Variants in RAPGEF2 observed in about 807,000 individuals in gnomAD.
The protein encoded by RAPGEF2 is Rap guanine nucleotide exchange factor 2, also known as PDZ domain containing guanine nucleotide exchange factor (GEF) 1.
In RAPGEF2, 54 loss-of-function variants were observed where a neutral mutation model predicts 186.7. The observed-to-expected ratio is 0.29, with a 90% CI of 0.23 to 0.36. The LOEUF (loss-of-function observed/expected upper bound fraction) is 0.36, where lower values mean the gene tolerates loss of function less well. Among genes scored for constraint, RAPGEF2 ranks in the 10% least tolerant of loss-of-function variants. The pLI, the probability that RAPGEF2 is intolerant of heterozygous loss-of-function variation, is 1.00. For synonymous variants in RAPGEF2, 712 were observed against 705.9 expected (o/e 1.01, Z -0.14); for missense variants, 1,532 against 2,045.0 (o/e 0.75, Z 4.84).
chr4:159,257,338 G>A (rs1338580017), intron 7 of RAPGEF2, among the ~76,000 whole-genome samples: 8 of 152,188 alleles, frequency 5.3e-5, no homozygotes, highest in Admixed American at 5.2e-4. Context: ...GCAGGGAGGA[G>A]CAAGTCACAT....
chr4:159,112,170 G>A (rs1396610398), intron 1 of RAPGEF2, among the ~76,000 whole-genome samples: 2 of 152,176 alleles, frequency 1.3e-5, no homozygotes, highest in African/African-American at 4.8e-5. Flanking sequence ...TTAGTGAATA[G>A]TTTGGCCTTG....
rs977161956 is a variant in RAPGEF2, at chr4:159,137,306, A to C, written c.69+33075A>C. Among the ~76,000 whole-genome samples, 5 of 152,166 alleles carry C rather than the reference A, an allele frequency of 3.3e-5. No homozygotes were observed. The East Asian group carries it at 9.6e-4, about 29-fold the overall frequency. ...GTGAAGGCCTACTCCTGGCCTGCAGACTGCTTTCCTGCTGTGTCCTCACAC... is the reference window on the plus strand; with the variant it reads ...GTGAAGGCCTACTCCTGGCCTGCAGCCTGCTTTCCTGCTGTGTCCTCACAC... On this transcript the variant is annotated intron_variant, in intron 1 of 29. Coordinates refer to ENST00000691494, the MANE Select transcript of RAPGEF2 (RefSeq NM_001394067.2).
At chr4:159,306,340 T>G (rs1763299139) in intron 8 of RAPGEF2, among the ~76,000 whole-genome samples, 1 of 152,166 alleles carries the variant, frequency 6.6e-6, no homozygotes, top group South Asian at 2.1e-4. Context: ...TGTAAAGCTC[T>G]TTCACCTCCT....
intron 3 of RAPGEF2, among the ~76,000 whole-genome samples, chr4:159,198,238 T>TCC (rs1748895763): frequency 1.6e-5 from 2 of 128,962 alleles, no homozygotes; most frequent in Non-Finnish European, 3.5e-5. Context: ...TTTCTTTTCT[T>TCC]TCTTTCTTCC....
At chr4:159,195,931 A>G (rs554036352) in intron 3 of RAPGEF2, among the ~76,000 whole-genome samples, 64 of 128,384 alleles carry the variant, frequency 5.0e-4, no homozygotes, top group African/African-American at 1.9e-3. Context: ...AGGTTTAGAC[A>G]GTGCATGTGA....
At chr4:159,140,905 C>G (rs1267082987) in intron 1 of RAPGEF2, among the ~76,000 whole-genome samples, 3 of 151,524 alleles carry the variant, frequency 2.0e-5, no homozygotes, top group African/African-American at 7.3e-5. Flanking sequence ...GATCTCAGCT[C>G]ACTGCAACCT....
intron 11 of RAPGEF2, 104 bp downstream of exon 11, chr4:159,323,721 T>TC: frequency 9.7e-6 from 2 of 205,404 alleles, no homozygotes; most frequent in Non-Finnish European, 1.3e-5. Flanking sequence ...TTACAAATAA[T>TC]TTTTTTTTTT....
chr4:159,304,363 C>T lies in RAPGEF2; in HGVS notation c.565C>T (p.Leu189=). ...ATAGCTTCCTGCAGATTTCACAAAA[C>T]TGCATCTTACTGACAGTCTCCACCC... The part of the protein sequence containing the change: ...KSQLPADFTK[L]HLTDSLHPQV... The change falls in exon 8 of 30, where the codon CTG becomes TTG. Residue 189 remains leucine (L), a synonymous_variant. Coordinates refer to ENST00000691494, the MANE Select transcript of RAPGEF2 (RefSeq NM_001394067.2). 3 of 1,605,208 alleles carry T rather than the reference C, an allele frequency of 1.9e-6. No homozygotes were observed. Among genetic ancestry groups the T allele is most frequent in the African/African-American group, 1.3e-5 (1 of 74,820 alleles).
In RAPGEF2 at chr4:159,122,038, CAAAAAAA is replaced by C. The variant is rs70962654; in HGVS notation, c.69+17825_69+17831del. 4.6e-3 allele frequency among the ~76,000 whole-genome samples: 236 copies of C among 51,436 alleles called. 2 individuals are homozygous for C. Among genetic ancestry groups the C allele is most frequent in the Non-Finnish European group, 7.1e-3 (206 of 28,858 alleles). The allele number at this position is 51,436 out of a possible 152,430, so 33.7% of individuals were successfully genotyped here. The stretch of plus-strand genomic sequence containing the variant: ...TGGGAGACAGAGCAAGACTCCATCT[CAAAAAAA>C]AAAAAAAAAAAAAAAAATACAGGTT... On this transcript the variant is annotated intron_variant, in intron 1 of 29. Transcript: ENST00000691494.
At chr4:159,151,873 G>A (rs891677624) in intron 1 of RAPGEF2, among the ~76,000 whole-genome samples, 13 of 152,172 alleles carry the variant, frequency 8.5e-5, no homozygotes, top group African/African-American at 3.1e-4. Flanking sequence ...AAGGGCATTG[G>A]TAGGAGACAG....
At position 159,353,269 on chromosome 4, in the gene RAPGEF2, C is replaced by T. The variant is rs1222541489; in HGVS notation, c.4092-218C>T. Among the ~76,000 whole-genome samples the T allele has an allele frequency of 4.7e-5, 7 of 150,464 alleles. No individual in the cohort carries two copies. The highest frequency in any genetic ancestry group is 8.9e-5 in the Non-Finnish European group (6 of 67,794). ...TTTTTTTTTTTTTAATGGCACGTTG[C>T]GTTCTTTTCCCGCATGCCTGTTTTA... On this transcript the variant is annotated intron_variant, in intron 27 of 29. Coordinates refer to ENST00000691494, the MANE Select transcript of RAPGEF2 (RefSeq NM_001394067.2). The surrounding 1 kb of genome is among the most constrained non-coding windows in gnomAD (Gnocchi z 4.3).
intron 17 of RAPGEF2, 77 bp from the exon 18 acceptor site, chr4:159,338,234 G>A: frequency 1.6e-6 from 2 of 1,269,812 alleles, no homozygotes; most frequent in African/African-American, 3.0e-5. Context: ...TATGGTTTTT[G>A]GTCTGTGTTT....
intron 23 of RAPGEF2, 26 bp downstream of exon 23, chr4:159,344,085 C>T (rs1729932379): frequency 6.6e-7 from 1 of 1,524,086 alleles, no homozygotes; most frequent in Non-Finnish European, 9.1e-7. Context: ...CTTGCATACC[C>T]ACACACAGTT....
intron 1 of RAPGEF2, among the ~76,000 whole-genome samples, chr4:159,151,692 G>C (rs1171432497): frequency 6.6e-6 from 1 of 152,282 alleles, no homozygotes; most frequent in South Asian, 2.1e-4. Flanking sequence ...GCTTGGGGAA[G>C]GTGTAGTGAG....
intron 1 of RAPGEF2, among the ~76,000 whole-genome samples, chr4:159,109,838 C>G (rs1738298307): frequency 1.3e-5 from 2 of 152,168 alleles, no homozygotes; most frequent in South Asian, 2.1e-4. Flanking sequence ...ATGTGCAGCT[C>G]TTTGTTCAGT....
At chr4:159,312,940 G>A (rs988037012) in intron 8 of RAPGEF2, among the ~76,000 whole-genome samples, 5 of 152,118 alleles carry the variant, frequency 3.3e-5, no homozygotes, top group Non-Finnish European at 4.4e-5. Flanking sequence ...TTGAGGCCAG[G>A]AGTTCAAGAC....
chr4:159,174,986 T>C (rs531135601), intron 1 of RAPGEF2, among the ~76,000 whole-genome samples: 8 of 152,170 alleles, frequency 5.3e-5, no homozygotes, highest in Non-Finnish European at 8.8e-5. Flanking sequence ...GGTTTCAAAC[T>C]TGGACTCAAG....
At chr4:159,233,611 G>A (rs902445011) in intron 4 of RAPGEF2, among the ~76,000 whole-genome samples, 2 of 152,018 alleles carry the variant, frequency 1.3e-5, no homozygotes, top group African/African-American at 4.8e-5. Flanking sequence ...ATGGACTTTG[G>A]GGACTCGGGG....
rs567350839 is a variant in RAPGEF2, at chr4:159,152,167, C to A, written c.70-34475C>A. On this transcript the variant is annotated intron_variant, in intron 1 of 29. Transcript: ENST00000691494. ...CAAAACCTCGTCTCTACAAAAAATA[C>A]AAAATTTAGCCAGGCATAGTGTTGC... Among the ~76,000 whole-genome samples, 3 of 152,188 alleles carry A rather than the reference C, an allele frequency of 2.0e-5. No individual in the cohort carries two copies. In the East Asian group the frequency reaches 5.8e-4, roughly 29 times the overall value.
Sources: gnomAD v4.1 joint callset for allele counts (sites outside exome capture counted in the v4.1 genomes callset) on GRCh38, gnomAD v4.1.1 for gene constraint, Gnocchi (gnomAD v3.1) non-coding constraint, MANE v1.5 for transcripts, NCBI Gene and HGNC (gene_info 2026-07-23, HGNC 2026-07-21) for gene names.